Variants in CSMD1 observed in about 807,000 individuals in gnomAD.
The protein encoded by CSMD1 is CUB and Sushi multiple domains 1, also known as CUB and sushi domain-containing protein 1.
CSMD1 carries 213 observed loss-of-function variants against 417.5 expected under a neutral mutation model. The observed-to-expected ratio is 0.51, with a 90% CI of 0.46 to 0.57. The LOEUF (loss-of-function observed/expected upper bound fraction) is 0.57, where lower values mean the gene tolerates loss of function less well. Among genes scored for constraint, CSMD1 ranks in the 20% least tolerant of loss-of-function variants. CSMD1 has a pLI of 0.00. For missense variants in CSMD1, 6,923 were observed against 4,529.7 expected (o/e 1.53, Z -15.17); for synonymous variants, 2,862 against 1,736.8 (o/e 1.65, Z -16.11).
At chr8:4,421,669 GTAAGACTCAGC>G (rs1797254530) in intron 2 of CSMD1, among the ~76,000 whole-genome samples, 4 of 151,934 alleles carry the variant, frequency 2.6e-5, no homozygotes. Context: ...ATTAAACTTT[GTAAGACTCAGC>G]TAAGCAGTGC....
chr8:3,458,190 G>C (rs1378408499), intron 12 of CSMD1, among the ~76,000 whole-genome samples: 1 of 152,144 alleles, frequency 6.6e-6, no homozygotes. Flanking sequence ...TGGGAAGGGA[G>C]AGTGCAATGT....
At chr8:3,002,851 A>T (rs886750468) in intron 52 of CSMD1, among the ~76,000 whole-genome samples, 15 of 152,230 alleles carry the variant, frequency 9.9e-5, no homozygotes, top group South Asian at 2.1e-4. Flanking sequence ...ACACATGGTC[A>T]TTTCGGTTCT....
intron 3 of CSMD1, among the ~76,000 whole-genome samples, chr8:4,126,980 G>C (rs11787129): frequency 1.3e-5 from 2 of 152,092 alleles, no homozygotes; most frequent in East Asian, 3.9e-4. Context: ...GCTGATGCTG[G>C]TGCACATTCG....
intron 5 of CSMD1, among the ~76,000 whole-genome samples, chr8:3,931,274 G>T (rs115365540): frequency 1.3e-5 from 2 of 150,548 alleles, no homozygotes; most frequent in South Asian, 4.3e-4. Flanking sequence ...ATTTTGAATT[G>T]TTAATAAATG....
intron 68 of CSMD1, among the ~76,000 whole-genome samples, chr8:2,945,592 T>C (rs1280391194): frequency 6.6e-6 from 1 of 152,230 alleles, no homozygotes; most frequent in Non-Finnish European, 1.5e-5. Context: ...CCTACCTAAT[T>C]GCTCTCTAAA....
intron 1 of CSMD1, among the ~76,000 whole-genome samples, chr8:4,741,144 C>T (rs932631607): frequency 6.6e-6 from 1 of 152,108 alleles, no homozygotes; most frequent in African/African-American, 2.4e-5. Context: ...AATGTGTACA[C>T]CCTTCTTTTT....
chr8:4,215,147 G>T (rs999060566), intron 3 of CSMD1, among the ~76,000 whole-genome samples: 3 of 152,298 alleles, frequency 2.0e-5, no homozygotes, highest in Admixed American at 6.5e-5. Flanking sequence ...AGGGAGAGGG[G>T]ACGCATCCCA....
intron 58 of CSMD1, 97 bp downstream of exon 58, chr8:2,966,473 A>C: frequency 2.8e-6 from 3 of 1,086,676 alleles, no homozygotes; most frequent in Non-Finnish European, 1.3e-6. Context: ...ATGAATTAAA[A>C]ATAAAAAAAC....
intron 1 of CSMD1, among the ~76,000 whole-genome samples, chr8:4,663,311 C>A (rs182496735): frequency 1.1e-4 from 17 of 152,286 alleles, no homozygotes; most frequent in Admixed American, 9.8e-4. Context: ...CAAAGCCCAT[C>A]TTTTTAAAGG....
At chr8:3,687,596 A>T (rs962151676) in intron 7 of CSMD1, among the ~76,000 whole-genome samples, 1 of 152,018 alleles carries the variant, frequency 6.6e-6, no homozygotes, top group East Asian at 1.9e-4. Flanking sequence ...TCTTGTAGGG[A>T]TCTCTTTGAA....
chr8:3,610,840 C>A (rs182525393), intron 8 of CSMD1, among the ~76,000 whole-genome samples: 162 of 152,106 alleles, frequency 1.1e-3, no homozygotes, highest in Non-Finnish European at 1.8e-3. Flanking sequence ...AATCATTTTA[C>A]AATACTCTAA....
intron 1 of CSMD1, chr8:4,787,362 A>C: frequency 1.4e-6 from 1 of 730,160 alleles, no homozygotes; most frequent in Non-Finnish European, 2.5e-6. Context: ...GAACACTGGT[A>C]AAAAATTGTA....
intron 5 of CSMD1, among the ~76,000 whole-genome samples, chr8:3,791,954 T>C (rs1243007992): frequency 6.6e-6 from 1 of 152,210 alleles, no homozygotes; most frequent in Non-Finnish European, 1.5e-5. Context: ...AATAGCTTAT[T>C]ATCCTTCAGA....
At chr8:3,852,260 T>C (rs1245323210) in intron 5 of CSMD1, among the ~76,000 whole-genome samples, 1 of 152,068 alleles carries the variant, frequency 6.6e-6, no homozygotes, top group Non-Finnish European at 1.5e-5. Flanking sequence ...GTGGTAACCA[T>C]CCTGTAGGCA....
chr8:3,896,413 A>G (rs751560664), intron 5 of CSMD1, among the ~76,000 whole-genome samples: 9 of 152,226 alleles, frequency 5.9e-5, no homozygotes, highest in Non-Finnish European at 1.3e-4. Flanking sequence ...TCACATGGAA[A>G]ATGCTACATG....
At chr8:4,378,523 C>T (rs143221950) in intron 3 of CSMD1, among the ~76,000 whole-genome samples, 314 of 152,272 alleles carry the variant, frequency 2.1e-3, no homozygotes, top group African/African-American at 6.7e-3. Context: ...TGTTCATATT[C>T]GCTGAAGTCA....
chr8:3,795,943 ATATC>A (rs1356184718), intron 5 of CSMD1, among the ~76,000 whole-genome samples: 820 of 43,952 alleles, frequency 0.019, 292 homozygotes, highest in African/African-American at 0.07. Flanking sequence ...ACAGATATAG[ATATC>A]TATCATGTAC....
At chr8:4,365,951 A>C (rs1275513036) in intron 3 of CSMD1, among the ~76,000 whole-genome samples, 1 of 152,098 alleles carries the variant, frequency 6.6e-6, no homozygotes, top group African/African-American at 2.4e-5. Flanking sequence ...TTTTAGGTTC[A>C]GGGTATCCAC....
At chr8:3,926,053 TACACACACAC>T (rs35557551) in intron 5 of CSMD1, among the ~76,000 whole-genome samples, 1 of 87,820 alleles carries the variant, frequency 1.1e-5, no homozygotes, top group Non-Finnish European at 2.5e-5. Flanking sequence ...AAACACCATA[TACACACACAC>T]ACACACACAC....
Sources: gnomAD v4.1 joint callset for allele counts (sites outside exome capture counted in the v4.1 genomes callset) on GRCh38, gnomAD v4.1.1 for gene constraint, MANE v1.5 for transcripts, NCBI Gene and HGNC (gene_info 2026-07-23, HGNC 2026-07-21) for gene names.